Variants in NRG3 observed in about 807,000 individuals in gnomAD.
NRG3 encodes the protein neuregulin 3, also known as pro-neuregulin-3, membrane-bound isoform.
Under a neutral mutation model 66.9 loss-of-function variants are expected in NRG3, and 31 were observed. The ratio of observed to expected loss-of-function variants is 0.46; its 90% confidence interval spans 0.35 to 0.63. The LOEUF is 0.63. Among genes scored for constraint, NRG3 ranks in the 20% least tolerant of loss-of-function variants. NRG3 has a pLI of 0.00. For synonymous variants in NRG3, 393 were observed against 359.4 expected, an observed-to-expected ratio of 1.09 and a Z score of -1.06; for missense variants, 910 against 878.9, an observed-to-expected ratio of 1.04 and a Z score of -0.45.
chr10:82,335,870 A>T (rs1452167041), intron 1 of NRG3, among the ~76,000 whole-genome samples: 1 of 152,152 alleles, frequency 6.6e-6, no homozygotes, highest in Non-Finnish European at 1.5e-5. Context: ...CAAATATATA[A>T]TCTGTGAGAA....
intron 2 of NRG3, among the ~76,000 whole-genome samples, chr10:82,448,628 C>T (rs1424155688): frequency 1.3e-5 from 2 of 152,124 alleles, no homozygotes; most frequent in Non-Finnish European, 2.9e-5. Flanking sequence ...GCTTCTTTCC[C>T]CAGCTCCCCT....
intron 2 of NRG3, among the ~76,000 whole-genome samples, chr10:82,657,473 T>C (rs933441144): frequency 6.6e-6 from 1 of 152,170 alleles, no homozygotes; most frequent in African/African-American, 2.4e-5. Flanking sequence ...ATCTGAGATA[T>C]CTTGAAGGGA....
intron 1 of NRG3, among the ~76,000 whole-genome samples, chr10:82,318,840 C>A (rs1184678806): frequency 3.3e-5 from 5 of 152,198 alleles, no homozygotes; most frequent in Non-Finnish European, 7.3e-5. Context: ...TCTTTCAACT[C>A]CTGCTTTCAG....
chr10:82,293,407 C>A (rs1215530271), intron 1 of NRG3, among the ~76,000 whole-genome samples: 1 of 152,078 alleles, frequency 6.6e-6, no homozygotes, highest in Non-Finnish European at 1.5e-5. Flanking sequence ...GAACTGAGTG[C>A]CTAAGTTCAA....
chr10:82,953,544 A>G (rs747279373), intron 5 of NRG3, among the ~76,000 whole-genome samples: 11 of 152,010 alleles, frequency 7.2e-5, no homozygotes, highest in Non-Finnish European at 1.0e-4. Flanking sequence ...TCATACTTGG[A>G]TTCAAATCTT....
chr10:82,015,724 G>A (rs932994791), intron 1 of NRG3, among the ~76,000 whole-genome samples: 1 of 151,794 alleles, frequency 6.6e-6, no homozygotes, highest in African/African-American at 2.4e-5. Context: ...CTTTATAGCA[G>A]TATGAAAATG....
At chr10:82,346,640 G>T (rs1302862951) in intron 1 of NRG3, among the ~76,000 whole-genome samples, 1 of 151,260 alleles carries the variant, frequency 6.6e-6, no homozygotes, top group Non-Finnish European at 1.5e-5. Flanking sequence ...AGAAGGAATG[G>T]TACCAGTTCC....
intron 1 of NRG3, among the ~76,000 whole-genome samples, chr10:82,167,591 G>A (rs1384464770): frequency 6.6e-6 from 1 of 151,912 alleles, no homozygotes; most frequent in Non-Finnish European, 1.5e-5. Flanking sequence ...TTATATGAAG[G>A]TTAATTCAGA....
intron 2 of NRG3, among the ~76,000 whole-genome samples, chr10:82,424,818 G>A (rs762801423): frequency 8.6e-5 from 13 of 151,198 alleles, no homozygotes; most frequent in Non-Finnish European, 1.6e-4. Context: ...CTCTTCATAT[G>A]GTATGAGGTC....
At chr10:82,752,613 T>C (rs371873666) in intron 3 of NRG3, among the ~76,000 whole-genome samples, 31 of 152,292 alleles carry the variant, frequency 2.0e-4, no homozygotes, top group African/African-American at 7.5e-4. Flanking sequence ...ACTGCTATGG[T>C]CTGAATGTTA....
rs545018033 is a variant in NRG3, at chr10:82,865,347, A to G, written c.1028-64A>G. ...CTTATGAGCACTGATTTCCATGTAT[A>G]GAGCTTTTTCTAACCTTTTTCTCTT... is the stretch of plus-strand genomic sequence containing the variant. On this transcript the variant is annotated intron_variant, in intron 3 of 8. Coordinates refer to ENST00000372141, the MANE Select transcript of NRG3 (RefSeq NM_001010848.4). 11 of 1,555,288 alleles carry G rather than the reference A, an allele frequency of 7.1e-6. No individual in the cohort carries two copies. In the African/African-American group the frequency reaches 1.5e-4, roughly 21 times the overall value.
At chr10:82,655,270 A>G (rs910412827) in intron 2 of NRG3, among the ~76,000 whole-genome samples, 7 of 152,252 alleles carry the variant, frequency 4.6e-5, no homozygotes, top group Middle Eastern at 3.4e-3. Flanking sequence ...TGGCATTAAA[A>G]AACAAAAGAA....
chr10:82,509,910 C>T (rs1470242512), intron 2 of NRG3, among the ~76,000 whole-genome samples: 1 of 152,086 alleles, frequency 6.6e-6, no homozygotes, highest in Non-Finnish European at 1.5e-5. Context: ...TGCTTTTCCT[C>T]CAACAGAAGA....
chr10:82,042,327 A>G (rs2064624), intron 1 of NRG3, among the ~76,000 whole-genome samples: 134,676 of 151,826 alleles, frequency 0.89, 60,875 homozygotes, highest in South Asian at 0.99. Context: ...AGTAGCTTTC[A>G]CATTTATCTT....
intron 1 of NRG3, among the ~76,000 whole-genome samples, chr10:82,331,646 A>AT (rs1172384090): frequency 6.6e-6 from 1 of 151,910 alleles, no homozygotes. Context: ...CTGAGGAACT[A>AT]TTTTTTTTCT....
intron 1 of NRG3, among the ~76,000 whole-genome samples, chr10:82,205,944 T>G (rs2133560819): frequency 6.6e-6 from 1 of 152,306 alleles, no homozygotes; most frequent in Non-Finnish European, 1.5e-5. Flanking sequence ...CTTGGCTTCT[T>G]ATTGATTCTC....
intron 6 of NRG3, among the ~76,000 whole-genome samples, chr10:82,970,445 G>C (rs887408288): frequency 6.6e-6 from 1 of 152,104 alleles, no homozygotes; most frequent in African/African-American, 2.4e-5. Context: ...GACTACAGCT[G>C]TGCACCACTG....
chr10:82,377,055 G>C (rs374079602), intron 2 of NRG3, among the ~76,000 whole-genome samples: 2 of 152,210 alleles, frequency 1.3e-5, no homozygotes, highest in African/African-American at 4.8e-5. Context: ...GTGTAAGCTT[G>C]CCCCTCCTTA....
At chr10:81,934,022 C>A (rs1270568432) in intron 1 of NRG3, among the ~76,000 whole-genome samples, 1 of 152,084 alleles carries the variant, frequency 6.6e-6, no homozygotes, top group Non-Finnish European at 1.5e-5. Flanking sequence ...ATTGTTTAAA[C>A]CAGTTTAATT....
Sources: gnomAD v4.1 joint callset for allele counts (sites outside exome capture counted in the v4.1 genomes callset) on GRCh38, gnomAD v4.1.1 for gene constraint, MANE v1.5 for transcripts, NCBI Gene and HGNC (gene_info 2026-07-23, HGNC 2026-07-21) for gene names.